ADGRB3: variants seen among roughly 807,000 people sequenced by gnomAD.
ADGRB3 encodes the protein adhesion G protein-coupled receptor B3.
Under a neutral mutation model 193.4 loss-of-function variants are expected in ADGRB3, and 37 were observed. The observed-to-expected ratio is 0.19, with a 90% confidence interval of 0.15 to 0.25. The LOEUF (loss-of-function observed/expected upper bound fraction) is 0.25. Ranked by LOEUF, ADGRB3 falls within the 10% of genes least tolerant of loss-of-function variation. The pLI, the probability that ADGRB3 is intolerant of heterozygous loss-of-function variation, is 1.00. For synonymous variants in ADGRB3, 690 were observed against 644.2 expected (o/e 1.07, Z -1.08); for missense variants, 1,637 against 1,852.9 (o/e 0.88, Z 2.14).
At chr6:69,124,129 A>G (rs971066683) in intron 17 of ADGRB3, among the ~76,000 whole-genome samples, 9 of 151,814 alleles carry the variant, frequency 5.9e-5, no homozygotes, top group African/African-American at 2.2e-4. Context: ...ACTCTCTGTA[A>G]TTTTTGACGT....
chr6:69,270,448 A>G (rs1371864254), intron 20 of ADGRB3, among the ~76,000 whole-genome samples: 1 of 152,150 alleles, frequency 6.6e-6, no homozygotes, highest in Non-Finnish European at 1.5e-5. Context: ...AATTATAAAT[A>G]TTTTAACTAT....
At chr6:68,841,768 A>G (rs977050103) in intron 3 of ADGRB3, among the ~76,000 whole-genome samples, 3 of 152,100 alleles carry the variant, frequency 2.0e-5, no homozygotes, top group Non-Finnish European at 4.4e-5. Flanking sequence ...TCACGAAAGG[A>G]AAGACTTCAC....
intron 4 of ADGRB3, among the ~76,000 whole-genome samples, chr6:68,936,029 T>C (rs1044863094): frequency 6.6e-6 from 1 of 152,134 alleles, no homozygotes; most frequent in African/African-American, 2.4e-5. Flanking sequence ...CAATACAATA[T>C]AAATTAGATG....
chr6:69,357,306 C>A (rs1769356783), intron 28 of ADGRB3, among the ~76,000 whole-genome samples: 1 of 152,038 alleles, frequency 6.6e-6, no homozygotes, highest in Non-Finnish European at 1.5e-5. Flanking sequence ...GTTGTCAGGG[C>A]ATCCCCAGTC....
chr6:69,299,565 A>G (rs962764658), intron 20 of ADGRB3, among the ~76,000 whole-genome samples: 39 of 151,862 alleles, frequency 2.6e-4, no homozygotes, highest in African/African-American at 9.2e-4. Context: ...TGTTTATGGC[A>G]AGAGATAGGG....
intron 17 of ADGRB3, among the ~76,000 whole-genome samples, chr6:69,145,924 T>G (rs1475012450): frequency 6.6e-6 from 1 of 152,014 alleles, no homozygotes; most frequent in Non-Finnish European, 1.5e-5. Context: ...AGGGAGGAAG[T>G]GTGTGCTTAT....
chr6:69,362,037 A>T (rs1363077924), intron 29 of ADGRB3, among the ~76,000 whole-genome samples: 2 of 151,956 alleles, frequency 1.3e-5, no homozygotes, highest in East Asian at 3.9e-4. Flanking sequence ...ATTACAGTAG[A>T]TCAATATTAT....
chr6:69,246,861 A>G (rs1373649750), intron 20 of ADGRB3, among the ~76,000 whole-genome samples: 1 of 152,198 alleles, frequency 6.6e-6, no homozygotes, highest in Non-Finnish European at 1.5e-5. Context: ...CTCAACAGGG[A>G]AGAAGCAGAA....
intron 3 of ADGRB3, among the ~76,000 whole-genome samples, chr6:68,814,545 C>G (rs188306930): frequency 0.024 from 3,588 of 152,054 alleles, 138 homozygotes; most frequent in African/African-American, 0.08. Flanking sequence ...AGAAGCTCTT[C>G]AGTTTAATTA....
intron 17 of ADGRB3, among the ~76,000 whole-genome samples, chr6:69,177,592 C>T (rs527456974): frequency 2.6e-5 from 4 of 152,184 alleles, no homozygotes; most frequent in South Asian, 2.1e-4. Context: ...GTGATCCACC[C>T]GCCTTGGCCT....
Position 69,232,982 on chromosome 6 carries a change from T to TCGTGCTGCCGCC in ADGRB3, c.2481-307_2481-296dup, listed in dbSNP as rs1235864707. The TCGTGCTGCCGCC allele has an allele frequency of 1.8e-5, 8 of 435,874 alleles. No homozygotes were observed. The Admixed American group carries it at 3.2e-4, about 18-fold the overall frequency. 27.0% of individuals were successfully genotyped at this position (435,874 alleles called of 1,614,324 possible). On this transcript the variant is annotated intron_variant, in intron 17 of 31. Coordinates refer to ENST00000370598, the MANE Select transcript of ADGRB3 (RefSeq NM_001704.3). ...TGGCTGCCAACGCTCTGGCGGCTGC[T>TCGTGCTGCCGCC]CGTGCTGCCGCCGCTGCCGCTGCTG...
intron 17 of ADGRB3, among the ~76,000 whole-genome samples, chr6:69,144,200 C>T (rs146057527): frequency 1.3e-5 from 2 of 152,002 alleles, no homozygotes; most frequent in Non-Finnish European, 2.9e-5. Context: ...TTTTTCAGAC[C>T]ATTTGCTGTT....
At position 68,639,554 on chromosome 6, in the gene ADGRB3, G is replaced by T. The variant is rs982832323; in HGVS notation, c.757+122G>T. ...TTTATTGTCACTTTTTGATTCATTT[G>T]ATTTGTGCTATTCACTGATAAAGGT... On this transcript the variant is annotated intron_variant, in intron 3 of 31. Coordinates refer to ENST00000370598, the MANE Select transcript of ADGRB3 (RefSeq NM_001704.3). The T allele has an allele frequency of 1.5e-5, 19 of 1,304,900 alleles. No individual in the cohort carries two copies. In the South Asian group the frequency reaches 2.9e-4, roughly 20 times the overall value. 80.8% of individuals were successfully genotyped at this position (1,304,900 alleles called of 1,614,324 possible). A position where few individuals can be genotyped will look rare whatever the true frequency, so the allele number is the denominator to read the frequency against.
chr6:68,840,316 C>T (rs1304868994), intron 3 of ADGRB3, among the ~76,000 whole-genome samples: 1 of 138,922 alleles, frequency 7.2e-6, no homozygotes, highest in African/African-American at 2.7e-5. Flanking sequence ...TGTCTTGCAA[C>T]TTAGATACTA....
At chr6:68,962,242 A>G (rs1768256242) in intron 8 of ADGRB3, among the ~76,000 whole-genome samples, 1 of 152,186 alleles carries the variant, frequency 6.6e-6, no homozygotes, top group South Asian at 2.1e-4. Flanking sequence ...CTAAAATAGT[A>G]TCCAATCTTC....
chr6:69,045,485 A>G (rs926673767), intron 13 of ADGRB3, among the ~76,000 whole-genome samples: 1 of 152,096 alleles, frequency 6.6e-6, no homozygotes, highest in Non-Finnish European at 1.5e-5. Flanking sequence ...TTTAAGAACT[A>G]TTTTGCTAAG....
chr6:69,107,555 A>G (rs1773249264), intron 17 of ADGRB3, among the ~76,000 whole-genome samples: 1 of 152,218 alleles, frequency 6.6e-6, no homozygotes, highest in Non-Finnish European at 1.5e-5. Flanking sequence ...ATACACTGCA[A>G]GTTAGACATG....
In ADGRB3 at chr6:68,778,917, G is replaced by A. The variant is rs983827562; in HGVS notation, c.757+139485G>A. 2.0e-5 allele frequency among the ~76,000 whole-genome samples: 3 copies of A among 151,828 alleles called. No homozygotes were observed. The East Asian group carries it at 5.8e-4, about 30-fold the overall frequency. ...TGTAGCAAATGGGAACCCTGTTTCT[G>A]GTCACAAATGAAGATGAGCCAACCG... On this transcript the variant is annotated intron_variant, in intron 3 of 31. Transcript: ENST00000370598.
At chr6:69,008,126 A>G (rs549572451) in intron 11 of ADGRB3, among the ~76,000 whole-genome samples, 1 of 152,284 alleles carries the variant, frequency 6.6e-6, no homozygotes, top group African/African-American at 2.4e-5. Context: ...TAATAACATT[A>G]CATTGTCAAC....
Sources: allele counts gnomAD v4.1 joint callset (sites outside exome capture counted in the v4.1 genomes callset), GRCh38; gene constraint gnomAD v4.1.1; transcripts MANE v1.5; gene names NCBI Gene and HGNC (gene_info 2026-07-23, HGNC 2026-07-21).